The following RNF150 variants were observed in gnomAD, a reference collection of about 807,000 sequenced individuals.
The protein encoded by RNF150 is ring finger protein 150.
A neutral mutation model predicts 39.3 loss-of-function variants in RNF150; 24 were observed. The observed-to-expected ratio is 0.61, with a 90% CI of 0.44 to 0.86. The LOEUF is 0.86. Ranked by LOEUF, RNF150 falls within the 40% of genes least tolerant of loss-of-function variation. The pLI is 0.00. For synonymous variants in RNF150, 255 were observed against 227.3 expected (o/e 1.12, Z -1.10); for missense variants, 502 against 587.8 (o/e 0.85, Z 1.51).
At chr4:140,875,779 G>T (rs1021567629) in intron 6 of RNF150, among the ~76,000 whole-genome samples, 1 of 151,882 alleles carries the variant, frequency 6.6e-6, no homozygotes, top group African/African-American at 2.4e-5. Context: ...CTATTAACTT[G>T]ACATGATAGT....
intron 1 of RNF150, among the ~76,000 whole-genome samples, chr4:141,117,712 T>C (rs1726473280): frequency 6.6e-6 from 1 of 152,234 alleles, no homozygotes; most frequent in Non-Finnish European, 1.5e-5. Flanking sequence ...TTTAACCATC[T>C]GTAACTTTGG....
At chr4:141,053,692 G>A (rs1736863754) in intron 1 of RNF150, 1 of 1,409,500 alleles carries the variant, frequency 7.1e-7, no homozygotes, top group Admixed American at 2.6e-5. Context: ...TGGGCATGGT[G>A]AAATCAGCTT....
chr4:140,996,157 A>T (rs1319010953), intron 1 of RNF150, among the ~76,000 whole-genome samples: 1 of 152,054 alleles, frequency 6.6e-6, no homozygotes, highest in Non-Finnish European at 1.5e-5. Flanking sequence ...TGTCTTTTGG[A>T]TAGAAACCAT....
In RNF150 at chr4:140,947,688, T is replaced by C. The variant is rs374721604; in HGVS notation, c.856A>G (p.Lys286Glu). 6.2e-7 allele frequency: 1 copy of C among 1,608,482 alleles called. No homozygotes were observed. The highest frequency in any genetic ancestry group is 1.3e-5 in the African/African-American group (1 of 74,668). The part of the protein sequence containing the change: ...DNCAVCIEGY[K>E]PNDVVRILPC... ...AGGATCCGGACAACGTCATTGGGCT[T>C]GTACCCTTCAATACAAACTGCACAG... The change falls in exon 4 of 7, where the codon AAG (lysine) becomes GAG (glutamate). Residue 286 changes from lysine (K) to glutamate (E), a missense_variant. Transcript: ENST00000515673.
intron 1 of RNF150, among the ~76,000 whole-genome samples, chr4:140,969,620 TTTTCA>T (rs1242362524): frequency 6.6e-6 from 1 of 151,982 alleles, no homozygotes; most frequent in Non-Finnish European, 1.5e-5. Context: ...GAATAATAAT[TTTTCA>T]TTTCATTTAT....
upstream of RNF150, among the ~76,000 whole-genome samples, chr4:141,136,168 A>G (rs1727023618): frequency 6.6e-6 from 1 of 152,214 alleles, no homozygotes; most frequent in Non-Finnish European, 1.5e-5. Context: ...GAAAGGAAAA[A>G]TAAACACTTG....
At chr4:140,917,104 A>G (rs1296735314) in intron 5 of RNF150, among the ~76,000 whole-genome samples, 2 of 152,226 alleles carry the variant, frequency 1.3e-5, no homozygotes, top group Admixed American at 1.3e-4. Flanking sequence ...AATTGTAAAG[A>G]CCATCAAGGC....
At chr4:140,977,618 G>GAC (rs1733713758) in intron 1 of RNF150, among the ~76,000 whole-genome samples, 1 of 152,118 alleles carries the variant, frequency 6.6e-6, no homozygotes, top group Non-Finnish European at 1.5e-5. Flanking sequence ...ACCAGGTAGT[G>GAC]ACACACACAA....
chr4:141,007,356 T>C (rs1051202925), intron 1 of RNF150, among the ~76,000 whole-genome samples: 2 of 152,246 alleles, frequency 1.3e-5, no homozygotes, highest in Admixed American at 1.3e-4. Context: ...ACCCTAATTC[T>C]GTCTTAATCA....
chr4:141,207,091 G>T (rs1452792662), intron 1 of RNF150, among the ~76,000 whole-genome samples: 1 of 152,132 alleles, frequency 6.6e-6, no homozygotes, highest in East Asian at 1.9e-4. Flanking sequence ...CCCACATTGA[G>T]GGTGGGTCTT....
intron 1 of RNF150, among the ~76,000 whole-genome samples, chr4:140,970,155 C>G (rs746322668): frequency 6.6e-6 from 1 of 152,124 alleles, no homozygotes; most frequent in Non-Finnish European, 1.5e-5. Flanking sequence ...CTATTTTCCA[C>G]CCAAGATTAT....
chr4:140,882,951 T>C (rs1388886331), intron 6 of RNF150, among the ~76,000 whole-genome samples: 1 of 152,128 alleles, frequency 6.6e-6, no homozygotes, highest in Non-Finnish European at 1.5e-5. Flanking sequence ...ATTTTCTATG[T>C]TGTAGTTATC....
At chr4:141,015,213 T>C (rs1337303047) in intron 1 of RNF150, among the ~76,000 whole-genome samples, 1 of 152,182 alleles carries the variant, frequency 6.6e-6, no homozygotes, top group Non-Finnish European at 1.5e-5. Flanking sequence ...GCAGTTTGAT[T>C]ATAATTGCTT....
chr4:140,969,457 T>C (rs2111427875), intron 1 of RNF150, among the ~76,000 whole-genome samples: 1 of 152,188 alleles, frequency 6.6e-6, no homozygotes, highest in Non-Finnish European at 1.5e-5. Flanking sequence ...CTTTGGTTAA[T>C]GGCTGCATGT....
chr4:140,985,979 C>T (rs1048509846), intron 1 of RNF150, among the ~76,000 whole-genome samples: 1 of 152,032 alleles, frequency 6.6e-6, no homozygotes, highest in African/African-American at 2.4e-5. Flanking sequence ...GGAAATAACA[C>T]CCTCTCCACT....
chr4:140,991,685 T>C (rs1734202573), intron 1 of RNF150, among the ~76,000 whole-genome samples: 1 of 152,140 alleles, frequency 6.6e-6, no homozygotes, highest in Non-Finnish European at 1.5e-5. Context: ...AGTTACATAT[T>C]TGGGTTGCTG....
In RNF150 at chr4:141,132,303, C is replaced by A; in HGVS notation, c.484+22G>T. The stretch of plus-strand genomic sequence containing the variant: ...CTCCGTCCCCGCCGGCTCCCCTCCC[C>A]CGCGCCCGCTGGGCCACTCACCCGC... On this transcript the variant is annotated intron_variant, in intron 1 of 6. Transcript: ENST00000515673. This position sits in a 1 kb window ranked among gnomAD's most constrained non-coding sequence, Gnocchi z 4.9. 1.3e-6 allele frequency: 2 copies of A among 1,558,812 alleles called. No individual in the cohort carries two copies. Among genetic ancestry groups the A allele is most frequent in the Non-Finnish European group, 1.7e-6 (2 of 1,150,954 alleles).
At chr4:140,984,355 A>G (rs577205837) in intron 1 of RNF150, among the ~76,000 whole-genome samples, 1 of 152,220 alleles carries the variant, frequency 6.6e-6, no homozygotes, top group African/African-American at 2.4e-5. Context: ...TTGGTATGAA[A>G]AGGTTTTTAG....
At chr4:141,064,927 A>G (rs1578686893) in intron 1 of RNF150, among the ~76,000 whole-genome samples, 1 of 152,154 alleles carries the variant, frequency 6.6e-6, no homozygotes, top group South Asian at 2.1e-4. Flanking sequence ...GTGCAATGGC[A>G]CGATCTCCGC....
Sources: allele counts gnomAD v4.1 joint callset (sites outside exome capture counted in the v4.1 genomes callset), GRCh38; gene constraint gnomAD v4.1.1; non-coding constraint Gnocchi (gnomAD v3.1); transcripts MANE v1.5; gene names NCBI Gene and HGNC (gene_info 2026-07-23, HGNC 2026-07-21).